Variants in HJURP observed in about 807,000 individuals in gnomAD.
The protein encoded by HJURP is Holliday junction recognition protein, also known as 14-3-3-associated AKT substrate.
In HJURP, 49 loss-of-function variants were observed where a neutral mutation model predicts 72.0. That is an observed-to-expected ratio of 0.68 (90% CI 0.54 to 0.86). The LOEUF (loss-of-function observed/expected upper bound fraction) is 0.86. Ranked by LOEUF, HJURP falls within the 40% of genes least tolerant of loss-of-function variation. HJURP has a pLI of 0.00. For synonymous variants in HJURP, 357 were observed against 347.1 expected (o/e 1.03, Z -0.32); for missense variants, 908 against 936.3 (o/e 0.97, Z 0.39).
rs1469901888 is a variant in HJURP, at chr2:233,841,729, T to C, written c.1051A>G (p.Thr351Ala). The C allele has an allele frequency of 6.2e-7, 1 of 1,614,190 alleles. No individual in the cohort carries two copies. Among genetic ancestry groups the C allele is most frequent in the Non-Finnish European group, 8.5e-7 (1 of 1,180,036 alleles). ...AAAGCTTTTTCCAATTTTAAACCTG[T>C]CTTACGGCAAGAAACATCTAATACG... Reference protein sequence around the residue: ...KNVLDVSCRKTGLKLEKAFLE... With the variant: ...KNVLDVSCRKAGLKLEKAFLE... The change falls in exon 8 of 9, where the codon ACA (threonine) becomes GCA (alanine). Residue 351 changes from threonine (T) to alanine (A), a missense_variant. Coordinates refer to ENST00000411486, the MANE Select transcript of HJURP (RefSeq NM_018410.5).
At position 233,849,829 on chromosome 2, in the gene HJURP, C is replaced by A. The variant is rs1289442716; in HGVS notation, c.271G>T (p.Asp91Tyr). The stretch of plus-strand genomic sequence containing the variant: ...CAGGCTGCAGCTTGCACGGAGCCAT[C>A]TGTCCTGTCCGCGGGCTTCATGGAG... ...DSSMKPADRTDGSVQAAAWGP... is the reference protein window; with the variant it reads ...DSSMKPADRTYGSVQAAAWGP... Residue 91 changes from aspartate to tyrosine, a missense_variant, in exon 4 of 9, where the codon GAT (aspartate) becomes TAT (tyrosine). Asp to Tyr is a radical substitution (Grantham distance 160). Coordinates refer to ENST00000411486, the MANE Select transcript of HJURP (RefSeq NM_018410.5). The A allele has an allele frequency of 6.4e-7, 1 of 1,553,522 alleles. No homozygotes were observed. Among genetic ancestry groups the A allele is most frequent in the Admixed American group, 1.9e-5 (1 of 51,306 alleles).
At chr2:233,844,136 G>T in intron 7 of HJURP, 69 bp downstream of exon 7, 1 of 1,261,464 alleles carries the variant, frequency 7.9e-7, no homozygotes. Flanking sequence ...GCAGCTCTGA[G>T]GGGCCACGCA....
chr2:233,848,441 C>A (rs953208733), intron 4 of HJURP, among the ~76,000 whole-genome samples: 5 of 152,170 alleles, frequency 3.3e-5, no homozygotes, highest in Admixed American at 2.0e-4. Context: ...AGCGGCTTGA[C>A]CACATTCACA....
At chr2:233,852,465 C>T (rs894681111) in intron 3 of HJURP, 100 bp downstream of exon 3, 2 of 804,822 alleles carry the variant, frequency 2.5e-6, no homozygotes, top group East Asian at 2.5e-5. Flanking sequence ...CCCGTGGTGG[C>T]CTCTGCGTAA....
Sources: gnomAD v4.1 joint callset for allele counts (sites outside exome capture counted in the v4.1 genomes callset) on GRCh38, gnomAD v4.1.1 for gene constraint, MANE v1.5 for transcripts, NCBI Gene and HGNC (gene_info 2026-07-23, HGNC 2026-07-21) for gene names.